Variants in PLXNA2 observed in about 807,000 individuals in gnomAD.
PLXNA2 encodes the protein plexin A2.
PLXNA2 carries 91 observed loss-of-function variants against 193.5 expected under a neutral mutation model. That is an observed-to-expected ratio of 0.47 (90% CI 0.40 to 0.56). The LOEUF is 0.56. Ranked by LOEUF, PLXNA2 falls within the 20% of genes least tolerant of loss-of-function variation. The probability of loss-of-function intolerance (pLI) is 0.00; values close to 1 mark genes in which losing one functional copy is unlikely to be tolerated. For missense variants in PLXNA2, 1,995 were observed against 2,503.2 expected, an observed-to-expected ratio of 0.80 and a Z score of 4.33; for synonymous variants, 997 against 1,027.3, an observed-to-expected ratio of 0.97 and a Z score of 0.56.
At chr1:208,176,854 C>T (rs1669676053) in intron 3 of PLXNA2, among the ~76,000 whole-genome samples, 1 of 152,198 alleles carries the variant, frequency 6.6e-6, no homozygotes, top group Non-Finnish European at 1.5e-5. Flanking sequence ...TCCCTTTTTG[C>T]CCTACTCCCT....
At chr1:208,122,133 TAG>T (rs1667825285) in intron 4 of PLXNA2, among the ~76,000 whole-genome samples, 2 of 152,148 alleles carry the variant, frequency 1.3e-5, no homozygotes, top group Admixed American at 6.6e-5. Context: ...TAAACAGGAT[TAG>T]AGTCTTAATG....
intron 3 of PLXNA2, among the ~76,000 whole-genome samples, chr1:208,187,665 T>G (rs1670051218): frequency 6.6e-6 from 1 of 152,226 alleles, no homozygotes; most frequent in African/African-American, 2.4e-5. Context: ...TCTGGACTGT[T>G]GTTTCCCTTA....
In PLXNA2 at chr1:208,026,028, A is replaced by C. The variant is rs908019626; in HGVS notation, c.*1215T>G. On this transcript the variant is annotated 3_prime_UTR_variant, in exon 32 of 32. Transcript: ENST00000367033. Reference sequence around the variant, plus strand: ...ATGAAAGAAAGAAAGCATAATAATAAATACTGCAGCTTCTGTAACCTATGC... The same window carrying C: ...ATGAAAGAAAGAAAGCATAATAATACATACTGCAGCTTCTGTAACCTATGC... 2.6e-5 allele frequency: 4 copies of C among 152,624 alleles called. No individual in the cohort carries two copies. Among genetic ancestry groups the C allele is most frequent in the African/African-American group, 9.7e-5 (4 of 41,448 alleles). The allele number at this position is 152,624 out of a possible 1,614,324, so 9.5% of individuals were successfully genotyped here.
At chr1:208,185,709 A>AAT (rs1669973109) in intron 3 of PLXNA2, among the ~76,000 whole-genome samples, 1 of 134,050 alleles carries the variant, frequency 7.5e-6, no homozygotes. Context: ...AAAAAAAAAA[A>AAT]AAAAAAAAAG....
At chr1:208,223,455 C>T (rs1322105447) in intron 1 of PLXNA2, among the ~76,000 whole-genome samples, 1 of 152,150 alleles carries the variant, frequency 6.6e-6, no homozygotes, top group African/African-American at 2.4e-5. Context: ...TGATAATAGC[C>T]CCATGATACG....
intron 3 of PLXNA2, among the ~76,000 whole-genome samples, chr1:208,196,916 A>C (rs2102575399): frequency 6.6e-6 from 1 of 152,304 alleles, no homozygotes; most frequent in South Asian, 2.1e-4. Context: ...TGTGAGGTGA[A>C]AGAAAAAGGG....
At position 208,154,701 on chromosome 1, in the gene PLXNA2, T is replaced by A. The variant is rs1311394494; in HGVS notation, c.1372-12238A>T. 2.0e-5 allele frequency among the ~76,000 whole-genome samples: 3 copies of A among 152,358 alleles called. No homozygotes were observed. In the East Asian group the frequency reaches 5.8e-4, roughly 29 times the overall value. On this transcript the variant is annotated intron_variant, in intron 3 of 31. Coordinates refer to ENST00000367033, the MANE Select transcript of PLXNA2 (RefSeq NM_025179.4). ...GATTTTTTTTGATTTCCTTTCTAGA[T>A]CTTCCAAGCTCTGCATTTCCATCTT...
intron 3 of PLXNA2, among the ~76,000 whole-genome samples, chr1:208,172,154 A>G (rs1669515686): frequency 6.6e-6 from 1 of 151,814 alleles, no homozygotes; most frequent in Non-Finnish European, 1.5e-5. Context: ...TTTTGCACCA[A>G]CGTAACAGCA....
chr1:208,181,241 T>C (rs1239337566), intron 3 of PLXNA2, among the ~76,000 whole-genome samples: 3 of 152,210 alleles, frequency 2.0e-5, no homozygotes, highest in Non-Finnish European at 4.4e-5. Context: ...CTTTTCCTTC[T>C]GAGCAAGCCC....
At chr1:208,216,046 T>C (rs1333049071) in intron 2 of PLXNA2, among the ~76,000 whole-genome samples, 1 of 152,310 alleles carries the variant, frequency 6.6e-6, no homozygotes, top group East Asian at 1.9e-4. Context: ...GGAACCACAG[T>C]GGCCTACAGC....
rs148156850 is a variant in PLXNA2, at chr1:208,084,444, C to T, written c.2234G>A (p.Gly745Glu). The change falls in exon 10 of 32, where the codon GGA (glycine) becomes GAA (glutamate). Residue 745 changes from glycine to glutamate, a missense_variant. Physicochemically the swap from Gly to Glu is moderately conservative, Grantham distance 98. This residue lies in a region of PLXNA2 where 1,291 missense variants were observed against 1,673.6 expected (regional missense o/e 0.77). Transcript: ENST00000367033. ...RGYECVLNIQ[G>E]AIHRVPALRF... is the part of the protein sequence containing the mutation. ...CAGAGCGGGGACCCGGTGGATGGCT[C>T]CTTGTATGTTGAGGACACACTCATA... 3.7e-4 allele frequency: 590 copies of T among 1,614,236 alleles called. No homozygotes were observed. Among genetic ancestry groups the T allele is most frequent in the Non-Finnish European group, 4.6e-4 (547 of 1,180,044 alleles).
At chr1:208,178,177 G>A in intron 3 of PLXNA2, among the ~76,000 whole-genome samples, 1 of 152,184 alleles carries the variant, frequency 6.6e-6, no homozygotes, top group East Asian at 1.9e-4. Flanking sequence ...CCATGGCACT[G>A]TTTTTGTGGA....
At chr1:208,030,279 ACTCT>A (rs1230459019) in intron 29 of PLXNA2, 1 of 985,038 alleles carries the variant, frequency 1.0e-6, no homozygotes, top group African/African-American at 1.8e-5. Context: ...GGTTAAGGAA[ACTCT>A]CTCCACACCA....
rs539418936 is a variant in PLXNA2, at chr1:208,045,127, G to A, written c.3579C>T (p.Thr1193=). 61 of 1,614,120 alleles carry A rather than the reference G, an allele frequency of 3.8e-5. No individual in the cohort carries two copies. The East Asian group carries it at 4.0e-4, about 11-fold the overall frequency. Residue 1193 remains threonine, a synonymous_variant, in exon 19 of 32, where the codon ACC becomes ACT. Coordinates refer to ENST00000367033, the MANE Select transcript of PLXNA2 (RefSeq NM_025179.4). ...VLIGETPCAV[T]VSETQLLCEP... ...CGCAGAGAAGCTGGGTCTCAGATAC[G>A]GTGACAGCACAAGGGGTCTCTCCGA...
intron 4 of PLXNA2, among the ~76,000 whole-genome samples, chr1:208,141,890 ACT>A (rs758199056): frequency 3.5e-4 from 54 of 152,114 alleles, no homozygotes; most frequent in Non-Finnish European, 6.5e-4. Flanking sequence ...CCAGTCTAAG[ACT>A]CACGCCAAGA....
chr1:208,198,754 A>C (rs758405791), intron 3 of PLXNA2, among the ~76,000 whole-genome samples: 1 of 152,172 alleles, frequency 6.6e-6, no homozygotes, highest in South Asian at 2.1e-4. Context: ...GGTAGTCTAC[A>C]CGTGGACATA....
chr1:208,050,681 TAATA>T (rs1398346328), intron 17 of PLXNA2, among the ~76,000 whole-genome samples: 1 of 151,686 alleles, frequency 6.6e-6, no homozygotes, highest in Non-Finnish European at 1.5e-5. Context: ...ATAATAATAA[TAATA>T]AACTAGCCAA....
intron 3 of PLXNA2, among the ~76,000 whole-genome samples, chr1:208,195,684 C>T (rs1372838149): frequency 6.6e-6 from 1 of 151,436 alleles, no homozygotes; most frequent in Non-Finnish European, 1.5e-5. Context: ...CAACATGCAT[C>T]ATAAAAAGCG....
intron 29 of PLXNA2, chr1:208,031,339 C>T: frequency 1.5e-6 from 2 of 1,343,592 alleles, no homozygotes; most frequent in Admixed American, 3.3e-5. Flanking sequence ...TGGTCACAAC[C>T]TGGAGGGGCA....
Sources: gnomAD v4.1 joint callset for allele counts (sites outside exome capture counted in the v4.1 genomes callset) on GRCh38, gnomAD v4.1.1 for gene constraint, gnomAD v4.1.1 regional missense constraint, MANE v1.5 for transcripts, NCBI Gene and HGNC (gene_info 2026-07-23, HGNC 2026-07-21) for gene names.